The following ANXA8 variants were observed in gnomAD, a reference collection of about 807,000 sequenced individuals.
The protein encoded by ANXA8 is annexin A8.
A neutral mutation model predicts 26.8 loss-of-function variants in ANXA8; 9 were observed. That is an observed-to-expected ratio of 0.34 (90% confidence interval 0.20 to 0.59). The LOEUF is 0.59. Among genes scored for constraint, ANXA8 ranks in the 20% least tolerant of loss-of-function variants. The pLI is 0.84. For synonymous variants in ANXA8, 39 were observed against 94.8 expected (o/e 0.41, Z 3.42); for missense variants, 83 against 238.5 (o/e 0.35, Z 4.29).
At chr10:47,733,175 TTCTTTCTTTCTTTCTTTCTTTC>T in the ANXA8 span, among the ~76,000 whole-genome samples, 1 of 93,270 alleles carries the variant, frequency 1.1e-5, no homozygotes, top group African/African-American at 3.2e-5. Flanking sequence ...CTTTCTTTCT[TTCTTTCTTTCTTTCTTTCTTTC>T]TTTCTTTCTT....
At chr10:47,768,905 G>T in the ANXA8 span, among the ~76,000 whole-genome samples, 2 of 150,686 alleles carry the variant, frequency 1.3e-5, no homozygotes, top group African/African-American at 4.9e-5. Context: ...CTGGTAGTGC[G>T]AGTGTGGCTC....
the ANXA8 span, among the ~76,000 whole-genome samples, chr10:47,631,172 G>C: frequency 6.7e-6 from 1 of 150,104 alleles, no homozygotes; most frequent in African/African-American, 2.5e-5. Flanking sequence ...TTTGTATGCT[G>C]TTTCAGATTC....
chr10:47,675,156 T>C, the ANXA8 span, among the ~76,000 whole-genome samples: 2 of 144,864 alleles, frequency 1.4e-5, no homozygotes, highest in Non-Finnish European at 3.0e-5. Flanking sequence ...AGAAAATGTA[T>C]GTATTTATAC....
chr10:47,593,287 C>T, the ANXA8 span, among the ~76,000 whole-genome samples: 2 of 149,614 alleles, frequency 1.3e-5, no homozygotes, highest in African/African-American at 2.6e-5. Context: ...TGCCAAAGCA[C>T]CACATGAGAC....
At chr10:47,590,672 G>A in the ANXA8 span, among the ~76,000 whole-genome samples, 1 of 146,016 alleles carries the variant, frequency 6.8e-6, no homozygotes. Flanking sequence ...TAACTGGAGA[G>A]CCTTGGTGTA....
At chr10:47,623,591 T>A in the ANXA8 span, among the ~76,000 whole-genome samples, 7 of 111,296 alleles carry the variant, frequency 6.3e-5, 3 homozygotes, top group Non-Finnish European at 1.4e-4. Flanking sequence ...TAGTTTTATA[T>A]TTTTCCTTCA....
At chr10:47,949,459 C>A in the ANXA8 span, among the ~76,000 whole-genome samples, 2 of 149,312 alleles carry the variant, frequency 1.3e-5, no homozygotes, top group African/African-American at 2.5e-5. Context: ...ACTAAGTGGA[C>A]AAAGGATGAA....
the ANXA8 span, among the ~76,000 whole-genome samples, chr10:47,655,541 A>C: frequency 1.7e-4 from 25 of 151,354 alleles, no homozygotes; most frequent in African/African-American, 2.9e-4. Flanking sequence ...GAACAAATGA[A>C]ACCAGAAGGT....
the ANXA8 span, among the ~76,000 whole-genome samples, chr10:47,952,002 C>T: frequency 6.7e-6 from 1 of 150,096 alleles, no homozygotes; most frequent in Admixed American, 6.6e-5. Flanking sequence ...AGCAGAAAAC[C>T]CAGGTGATGA....
chr10:47,558,245 T>A, the ANXA8 span, among the ~76,000 whole-genome samples: 1 of 151,888 alleles, frequency 6.6e-6, no homozygotes, highest in Non-Finnish European at 1.5e-5. Context: ...GATAGATAAA[T>A]AATAAACGTC....
chr10:47,970,133 T>C, the ANXA8 span: 1 of 151,286 alleles, frequency 6.6e-6, no homozygotes, highest in Non-Finnish European at 1.5e-5. Context: ...GTAAACCTGG[T>C]GAATGGTGGG....
At chr10:47,665,727 C>G in the ANXA8 span, among the ~76,000 whole-genome samples, 1 of 151,016 alleles carries the variant, frequency 6.6e-6, no homozygotes, top group African/African-American at 2.5e-5. Flanking sequence ...TTATTCCTTT[C>G]CTTTTCCATG....
chr10:47,663,533 A>G, the ANXA8 span, among the ~76,000 whole-genome samples: 3 of 132,374 alleles, frequency 2.3e-5, no homozygotes, highest in Non-Finnish European at 4.6e-5. Context: ...CTACAGGTGC[A>G]TGCCACCATG....
At chr10:47,743,735 G>T in the ANXA8 span, among the ~76,000 whole-genome samples, 2 of 150,138 alleles carry the variant, frequency 1.3e-5, no homozygotes, top group Non-Finnish European at 3.0e-5. Flanking sequence ...CACAGGCCGC[G>T]GATCGCGCTC....
At chr10:47,976,608 C>T in the ANXA8 span, among the ~76,000 whole-genome samples, 3 of 147,118 alleles carry the variant, frequency 2.0e-5, no homozygotes, top group African/African-American at 5.0e-5. Context: ...GCTGTGAAAA[C>T]CAGCAGCCTG....
At chr10:47,944,335 G>A in the ANXA8 span, among the ~76,000 whole-genome samples, 11 of 148,730 alleles carry the variant, frequency 7.4e-5, no homozygotes, top group East Asian at 2.1e-4. Context: ...GGTAAACACC[G>A]TCAATCTAGA....
At chr10:47,615,016 T>C in the ANXA8 span, among the ~76,000 whole-genome samples, 8 of 59,594 alleles carry the variant, frequency 1.3e-4, 3 homozygotes, top group Admixed American at 5.7e-4. Context: ...TTTAAAAATA[T>C]TTTTTGTAAT....
chr10:47,525,604 T>C, the ANXA8 span, among the ~76,000 whole-genome samples: 1 of 137,216 alleles, frequency 7.3e-6, no homozygotes, highest in Non-Finnish European at 1.6e-5. Context: ...AAAGTAAAGG[T>C]AGAAGTCAAG....
At chr10:47,701,724 C>T in the ANXA8 span, among the ~76,000 whole-genome samples, 2 of 151,522 alleles carry the variant, frequency 1.3e-5, no homozygotes, top group Non-Finnish European at 2.9e-5. Context: ...AGATTGGTCA[C>T]CTACAGGGGG....
Sources: allele counts gnomAD v4.1 joint callset (sites outside exome capture counted in the v4.1 genomes callset), GRCh38; gene constraint gnomAD v4.1.1; transcripts MANE v1.5; gene names NCBI Gene and HGNC (gene_info 2026-07-23, HGNC 2026-07-21).